The following GAS2 variants were observed in gnomAD, a reference collection of about 807,000 sequenced individuals.
GAS2 encodes growth arrest-specific protein 2.
A neutral mutation model predicts 37.5 loss-of-function variants in GAS2; 20 were observed. That is an observed-to-expected ratio of 0.53 (90% CI 0.37 to 0.77). The LOEUF is 0.77. Ranked by LOEUF, GAS2 falls within the 30% of genes least tolerant of loss-of-function variation. The probability of loss-of-function intolerance (pLI) is 0.00; values close to 1 mark genes in which losing one functional copy is unlikely to be tolerated. For synonymous variants in GAS2, 144 were observed against 132.2 expected, an observed-to-expected ratio of 1.09 and a Z score of -0.61; for missense variants, 336 against 373.4, an observed-to-expected ratio of 0.90 and a Z score of 0.82.
At chr11:22,811,047 A>T (rs965098674) in intron 7 of GAS2, among the ~76,000 whole-genome samples, 2 of 152,174 alleles carry the variant, frequency 1.3e-5, no homozygotes, top group African/African-American at 4.8e-5. Flanking sequence ...GAAGCCGATG[A>T]CAAATTATTT....
At chr11:22,659,813 A>G (rs987771218) in intron 1 of GAS2, among the ~76,000 whole-genome samples, 2 of 150,474 alleles carry the variant, frequency 1.3e-5, no homozygotes, top group Non-Finnish European at 3.0e-5. Context: ...ATAAAGAAAG[A>G]AAAAAGCAAG....
chr11:22,772,376 T>A (rs1337916672), intron 7 of GAS2, among the ~76,000 whole-genome samples: 1 of 152,208 alleles, frequency 6.6e-6, no homozygotes, highest in Non-Finnish European at 1.5e-5. Flanking sequence ...TTATTTTCAC[T>A]ACTTAAATTG....
At chr11:22,645,602 C>T (rs565191198) in intron 1 of GAS2, among the ~76,000 whole-genome samples, 1 of 151,934 alleles carries the variant, frequency 6.6e-6, no homozygotes, top group Admixed American at 6.6e-5. Flanking sequence ...AGAAAATTTT[C>T]AGAGAGCTGT....
At chr11:22,723,836 T>C (rs777896150) in intron 3 of GAS2, among the ~76,000 whole-genome samples, 5 of 151,916 alleles carry the variant, frequency 3.3e-5, no homozygotes, top group Non-Finnish European at 7.4e-5. Flanking sequence ...GAGATTTTAT[T>C]CAGCATATTA....
At chr11:22,719,267 C>T (rs1313619717) in intron 3 of GAS2, among the ~76,000 whole-genome samples, 1 of 152,138 alleles carries the variant, frequency 6.6e-6, no homozygotes, top group Non-Finnish European at 1.5e-5. Flanking sequence ...CCAGCACTTA[C>T]TCATGCTGGC....
At chr11:22,733,935 A>G (rs541653462) in intron 4 of GAS2, among the ~76,000 whole-genome samples, 4 of 151,752 alleles carry the variant, frequency 2.6e-5, no homozygotes, top group Non-Finnish European at 5.9e-5. Context: ...AGACCTTGTT[A>G]ATGTTACAAT....
At chr11:22,761,763 A>T (rs1854404650) in intron 7 of GAS2, among the ~76,000 whole-genome samples, 1 of 152,146 alleles carries the variant, frequency 6.6e-6, no homozygotes, top group Admixed American at 6.5e-5. Flanking sequence ...TTTCCATTTT[A>T]CAGATGGGGA....
intron 1 of GAS2, among the ~76,000 whole-genome samples, chr11:22,649,276 C>G (rs1848742017): frequency 6.6e-6 from 1 of 152,136 alleles, no homozygotes; most frequent in Non-Finnish European, 1.5e-5. Context: ...CCCACTTGAT[C>G]ATGGTGGATA....
intron 1 of GAS2, among the ~76,000 whole-genome samples, chr11:22,631,291 T>A (rs185163861): frequency 4.4e-4 from 67 of 152,290 alleles, no homozygotes; most frequent in African/African-American, 1.6e-3. Flanking sequence ...ATAGTTTGAC[T>A]CCTTTTTTTC....
At chr11:22,669,711 C>T (rs977694638) in intron 1 of GAS2, among the ~76,000 whole-genome samples, 1 of 152,070 alleles carries the variant, frequency 6.6e-6, no homozygotes, top group African/African-American at 2.4e-5. Flanking sequence ...TTGTAAGGTT[C>T]CTTTCAATTT....
chr11:22,708,161 A>T (rs573785342), intron 3 of GAS2, among the ~76,000 whole-genome samples: 11 of 152,188 alleles, frequency 7.2e-5, no homozygotes, highest in Non-Finnish European at 1.3e-4. Flanking sequence ...AGACAATATG[A>T]TGATTAGGGG....
chr11:22,768,393 A>G (rs922914496), intron 7 of GAS2, among the ~76,000 whole-genome samples: 7 of 152,194 alleles, frequency 4.6e-5, no homozygotes, highest in African/African-American at 1.7e-4. Flanking sequence ...TCATCTCCCA[A>G]TTGTAGCTTT....
intron 6 of GAS2, among the ~76,000 whole-genome samples, chr11:22,752,837 G>T (rs911463487): frequency 6.6e-6 from 1 of 151,984 alleles, no homozygotes. Flanking sequence ...ATACTTAGGG[G>T]AATAGTGGGA....
intron 7 of GAS2, among the ~76,000 whole-genome samples, chr11:22,806,985 G>A (rs550099865): frequency 5.3e-5 from 8 of 152,236 alleles, no homozygotes; most frequent in Admixed American, 1.3e-4. Flanking sequence ...AGTATTATGG[G>A]TAAGTACATG....
At position 22,674,945 on chromosome 11, in the gene GAS2, G is replaced by A. The variant is rs1173118560; in HGVS notation, c.76G>A (p.Ala26Thr). The A allele has an allele frequency of 1.4e-5, 22 of 1,613,932 alleles. No homozygotes were observed. Among genetic ancestry groups the A allele is most frequent in the Non-Finnish European group, 1.9e-5 (22 of 1,179,896 alleles). The change falls in exon 2 of 8, where the codon GCC becomes ACC. Residue 26 changes from alanine (A) to threonine (T), a missense_variant. Ala to Thr is a moderately conservative substitution (Grantham distance 58). Transcript: ENST00000454584. The stretch of plus-strand genomic sequence containing the variant: ...TATGCATCAGTATAGCCAATGGCTA[G>A]CCAGCAGACATGAAGCTAATTTGCT... Reference protein sequence around the residue: ...SDMHQYSQWLASRHEANLLPM... With the variant: ...SDMHQYSQWLTSRHEANLLPM...
intron 7 of GAS2, among the ~76,000 whole-genome samples, chr11:22,796,135 T>G (rs1242065125): frequency 1.3e-5 from 2 of 152,158 alleles, no homozygotes; most frequent in Non-Finnish European, 1.5e-5. Context: ...AGATAAACCT[T>G]CAGTCTCCTG....
chr11:22,716,120 G>T (rs866239677), intron 3 of GAS2, among the ~76,000 whole-genome samples: 3 of 152,078 alleles, frequency 2.0e-5, no homozygotes, highest in African/African-American at 7.2e-5. Context: ...TGCAGAAAAA[G>T]CATTTGGCAA....
At chr11:22,758,724 A>C (rs1359313534) in intron 7 of GAS2, among the ~76,000 whole-genome samples, 1 of 151,544 alleles carries the variant, frequency 6.6e-6, no homozygotes. Context: ...GACCAGCCTG[A>C]CCAACATGGA....
At chr11:22,729,431 A>G (rs974928585) in intron 4 of GAS2, among the ~76,000 whole-genome samples, 1 of 151,824 alleles carries the variant, frequency 6.6e-6, no homozygotes, top group Non-Finnish European at 1.5e-5. Flanking sequence ...AACTAATTCC[A>G]TATGTTTATG....
Sources: gnomAD v4.1 joint callset for allele counts (sites outside exome capture counted in the v4.1 genomes callset) on GRCh38, gnomAD v4.1.1 for gene constraint, MANE v1.5 for transcripts, NCBI Gene and HGNC (gene_info 2026-07-23, HGNC 2026-07-21) for gene names.